Variants in MTUS2 observed in about 807,000 individuals in gnomAD.
MTUS2 encodes microtubule-associated tumor suppressor candidate 2.
MTUS2 carries 40 observed loss-of-function variants against 114.1 expected under a neutral mutation model. The ratio of observed to expected loss-of-function variants is 0.35; its 90% confidence interval spans 0.27 to 0.46. MTUS2 has a LOEUF of 0.46. Ranked by LOEUF, MTUS2 falls within the 20% of genes least tolerant of loss-of-function variation. The pLI is 1.00. For synonymous variants in MTUS2, 688 were observed against 672.0 expected, an observed-to-expected ratio of 1.02 and a Z score of -0.37; for missense variants, 1,679 against 1,705.4, an observed-to-expected ratio of 0.98 and a Z score of 0.27.
chr13:29,430,139 A>G (rs537095076), intron 8 of MTUS2, among the ~76,000 whole-genome samples: 28 of 148,950 alleles, frequency 1.9e-4, no homozygotes, highest in African/African-American at 6.5e-4. Context: ...AGTGGTCACA[A>G]AAGAGTATTG....
intron 5 of MTUS2, among the ~76,000 whole-genome samples, chr13:29,241,284 G>C (rs1896721774): frequency 6.9e-6 from 1 of 144,738 alleles, no homozygotes; most frequent in African/African-American, 2.6e-5. Flanking sequence ...CAATTTCATG[G>C]AGACTTTAAG....
intron 4 of MTUS2, among the ~76,000 whole-genome samples, chr13:29,063,185 T>C (rs1334740578): frequency 6.6e-6 from 1 of 152,180 alleles, no homozygotes; most frequent in African/African-American, 2.4e-5. Context: ...TTTTAGTAGA[T>C]TTTTATGTGT....
chr13:29,273,101 A>G (rs947718102), intron 5 of MTUS2, among the ~76,000 whole-genome samples: 9 of 152,200 alleles, frequency 5.9e-5, no homozygotes, highest in African/African-American at 1.7e-4. Flanking sequence ...ATCTCTTAAT[A>G]CTATCACATT....
chr13:29,397,191 C>T (rs1873969679), intron 8 of MTUS2, among the ~76,000 whole-genome samples: 2 of 152,198 alleles, frequency 1.3e-5, no homozygotes, highest in South Asian at 2.1e-4. Context: ...TACAGCTCCA[C>T]TTGATCAGCC....
At chr13:29,042,449 T>G (rs1405427699) in intron 4 of MTUS2, among the ~76,000 whole-genome samples, 1 of 152,048 alleles carries the variant, frequency 6.6e-6, no homozygotes, top group Non-Finnish European at 1.5e-5. Context: ...TGTTCTTTCC[T>G]GGTTTTAGTG....
chr13:29,411,136 C>T (rs1875205050), intron 8 of MTUS2, among the ~76,000 whole-genome samples: 1 of 152,102 alleles, frequency 6.6e-6, no homozygotes, highest in Admixed American at 6.6e-5. Context: ...TGTGCCCAAC[C>T]CCACACTATT....
chr13:29,186,471 T>C (rs1241326725), intron 5 of MTUS2, among the ~76,000 whole-genome samples: 3 of 152,218 alleles, frequency 2.0e-5, no homozygotes, highest in Non-Finnish European at 4.4e-5. Context: ...CCAAAAGATA[T>C]TTAATGTGGT....
At position 29,157,024 on chromosome 13, in the gene MTUS2, G is replaced by A. The variant is rs145051671; in HGVS notation, c.2644+56054G>A. Among the ~76,000 whole-genome samples the A allele has an allele frequency of 4.1e-4, 62 of 152,186 alleles. No homozygotes were observed. The East Asian group carries it at 9.8e-3, about 24-fold the overall frequency. On this transcript the variant is annotated intron_variant, in intron 5 of 15. Coordinates refer to ENST00000612955, the MANE Select transcript of MTUS2 (RefSeq NM_001033602.4). ...AACTCTCTGTATTCTCCTGTAACTC[G>A]TTCAACATTTATAAGATTCATCCAT...
chr13:29,165,729 CATTAA>C (rs1257637690), intron 5 of MTUS2, among the ~76,000 whole-genome samples: 1 of 152,196 alleles, frequency 6.6e-6, no homozygotes, highest in African/African-American at 2.4e-5. Context: ...ATTAATGCAA[CATTAA>C]CATGTCCACT....
intron 9 of MTUS2, among the ~76,000 whole-genome samples, chr13:29,444,464 C>T (rs903974774): frequency 1.3e-5 from 2 of 152,210 alleles, no homozygotes; most frequent in African/African-American, 4.8e-5. Flanking sequence ...CCTTTAGCAT[C>T]TGGTCAGAAT....
At chr13:29,145,711 A>AT (rs1892407667) in intron 5 of MTUS2, among the ~76,000 whole-genome samples, 1 of 151,834 alleles carries the variant, frequency 6.6e-6, no homozygotes, top group East Asian at 1.9e-4. Flanking sequence ...TCCCAGAAAT[A>AT]TTTTTCTGCA....
intron 8 of MTUS2, among the ~76,000 whole-genome samples, chr13:29,401,928 TTTGGAGACAA>T (rs753911725): frequency 6.6e-6 from 1 of 152,198 alleles, no homozygotes; most frequent in Non-Finnish European, 1.5e-5. Flanking sequence ...TGTATATTAA[TTTGGAGACAA>T]TTGGCAGCTT....
chr13:29,349,869 A>C (rs184866351), intron 7 of MTUS2, among the ~76,000 whole-genome samples: 10 of 152,248 alleles, frequency 6.6e-5, no homozygotes, highest in African/African-American at 2.4e-4. Context: ...TTTGTGCTTG[A>C]AGTTTGTTGA....
At chr13:29,501,847 GCT>G (rs1491062092) in intron 15 of MTUS2, among the ~76,000 whole-genome samples, 2,104 of 151,576 alleles carry the variant, frequency 0.014, 24 homozygotes, top group Middle Eastern at 0.034. Flanking sequence ...CACAGGCACT[GCT>G]CACTCACACA....
At chr13:28,831,126 T>C (rs1874643613) in intron 1 of MTUS2, among the ~76,000 whole-genome samples, 1 of 147,814 alleles carries the variant, frequency 6.8e-6, no homozygotes, top group Non-Finnish European at 1.5e-5. Flanking sequence ...TATAAAAGAG[T>C]ACAAACCACT....
intron 5 of MTUS2, among the ~76,000 whole-genome samples, chr13:29,117,715 C>G (rs945924180): frequency 6.6e-6 from 1 of 152,160 alleles, no homozygotes; most frequent in African/African-American, 2.4e-5. Flanking sequence ...ATTAGAAACT[C>G]TGTGTGGCAA....
At chr13:29,197,599 A>G (rs977505483) in intron 5 of MTUS2, among the ~76,000 whole-genome samples, 8 of 152,228 alleles carry the variant, frequency 5.3e-5, no homozygotes, top group Admixed American at 5.2e-4. Flanking sequence ...GCTGGGTCAA[A>G]TGGTATTTCT....
chr13:28,869,051 G>C (rs1877467242), intron 2 of MTUS2, among the ~76,000 whole-genome samples: 1 of 152,106 alleles, frequency 6.6e-6, no homozygotes, highest in African/African-American at 2.4e-5. Context: ...AACTTCTCTG[G>C]GATTTCTTTT....
intron 6 of MTUS2, among the ~76,000 whole-genome samples, chr13:29,311,888 T>G (rs966010770): frequency 5.9e-5 from 9 of 152,162 alleles, no homozygotes; most frequent in Non-Finnish European, 4.4e-5. Context: ...GGAAACTTAG[T>G]AAGAATATTT....
Sources: allele counts gnomAD v4.1 joint callset (sites outside exome capture counted in the v4.1 genomes callset), GRCh38; gene constraint gnomAD v4.1.1; transcripts MANE v1.5; gene names NCBI Gene and HGNC (gene_info 2026-07-23, HGNC 2026-07-21).